The following CDCA5 variants were observed in gnomAD, a reference collection of about 807,000 sequenced individuals.
CDCA5 encodes sororin.
In CDCA5, 14 loss-of-function variants were observed where a neutral mutation model predicts 25.7. That is an observed-to-expected ratio of 0.54 (90% CI 0.36 to 0.85). CDCA5 has a LOEUF of 0.85. CDCA5 is among the 40% of genes least tolerant of loss of function. The pLI is 0.01. For synonymous variants in CDCA5, 127 were observed against 128.7 expected (o/e 0.99, Z 0.09); for missense variants, 307 against 324.5 (o/e 0.95, Z 0.41).
Position 65,083,640 on chromosome 11 carries a change from T to C in CDCA5, c.130A>G (p.Ile44Val), listed in dbSNP as rs1565292681. 1 of 1,614,116 alleles carries C rather than the reference T, an allele frequency of 6.2e-7. No homozygotes were observed. The highest frequency in any genetic ancestry group is 2.2e-5 in the East Asian group (1 of 44,874). Reference protein sequence around the residue: ...GSELPSILPEIWPKTPSAAAV... With the variant: ...GSELPSILPEVWPKTPSAAAV... ...AATCTGGGGCTCACCTTCGGCCAGATTTCAGGGAGGATGCTCGGGAGTTCA... is the reference window on the plus strand; with the variant it reads ...AATCTGGGGCTCACCTTCGGCCAGACTTCAGGGAGGATGCTCGGGAGTTCA... The change falls in exon 2 of 6, where the codon ATC becomes GTC. Residue 44 changes from isoleucine (I) to valine (V), a missense_variant. Physicochemically the swap from Ile to Val is conservative, Grantham distance 29. Transcript: ENST00000275517.
At position 65,077,940 on chromosome 11, in the gene CDCA5, C is replaced by A; in HGVS notation, c.*1167G>T. On this transcript the variant is annotated 3_prime_UTR_variant, in exon 6 of 6. Transcript: ENST00000275517. The stretch of plus-strand genomic sequence containing the variant: ...ATGGCCAGGGGTGCGGCAGGAGAGT[C>A]GGGGGCAGGGCAGCCTTCAAATCCA... The A allele has an allele frequency of 1.0e-6, 1 of 985,450 alleles. No homozygotes were observed. The highest frequency in any genetic ancestry group is 1.2e-6 in the Non-Finnish European group (1 of 830,000). The allele number at this position is 985,450 out of a possible 1,614,324, so 61.0% of individuals were successfully genotyped here.
Position 65,084,035 on chromosome 11 carries a change from G to C in CDCA5, c.-57C>G, listed in dbSNP as rs1276761682. On this transcript the variant is annotated 5_prime_UTR_variant, in exon 1 of 6. Transcript: ENST00000275517. ...CCGCCGCCCCGGGCGCGCGCCAACC[G>C]GGAAGGCCACTCGCTGCAAAAAACG... The C allele has an allele frequency of 6.4e-6, 10 of 1,567,362 alleles. No homozygotes were observed. Among genetic ancestry groups the C allele is most frequent in the Admixed American group, 1.9e-5 (1 of 53,274 alleles).
Position 65,083,551 on chromosome 11 carries a change from C to T in CDCA5, c.142-1G>A. ...TTCTGACTGCAGCCGCACTGGGTGT[C>T]TGGAGAAGAGGGATGAACGTGAGCT... is the stretch of plus-strand genomic sequence containing the variant. On this transcript the variant is annotated splice_acceptor_variant, in intron 2 of 5. Coordinates refer to ENST00000275517, the MANE Select transcript of CDCA5 (RefSeq NM_080668.4). LOFTEE classifies it high-confidence loss of function. The T allele has an allele frequency of 6.2e-6, 10 of 1,614,114 alleles. No homozygotes were observed. The highest frequency in any genetic ancestry group is 8.5e-6 in the Non-Finnish European group (10 of 1,180,008).
Position 65,083,665 on chromosome 11 carries a change from A to C in CDCA5, c.105T>G (p.Ser35=). The C allele has an allele frequency of 6.2e-7, 1 of 1,614,236 alleles. No individual in the cohort carries two copies. Among genetic ancestry groups the C allele is most frequent in the South Asian group, 1.1e-5 (1 of 91,088 alleles). Residue 35 remains serine (S), a synonymous_variant, in exon 2 of 6, where the codon TCT becomes TCG. Transcript: ENST00000275517. The part of the protein sequence containing the change: ...PLRRSQRKSG[S]ELPSILPEIW... ...TTTCAGGGAGGATGCTCGGGAGTTC[A>C]GAGCCTGATTTCCGCTGGGACCTCC...
chr11:65,083,893 A>T (rs1485253411), intron 1 of CDCA5, 40 bp downstream of exon 1: 4 of 1,608,484 alleles, frequency 2.5e-6, no homozygotes, highest in Non-Finnish European at 3.4e-6. Flanking sequence ...GCGTCCCCCA[A>T]ACGGCTCGAC....
At chr11:65,079,293 C>A (rs1446879110) in intron 5 of CDCA5, 60 bp downstream of exon 5, 1 of 1,612,656 alleles carries the variant, frequency 6.2e-7, no homozygotes, top group East Asian at 2.2e-5. Context: ...AGAGCCAGAG[C>A]CCCAGCCCTG....
Position 65,077,719 on chromosome 11 carries a change from AACC to A in CDCA5, c.*1385_*1387del. The A allele has an allele frequency of 1.0e-6, 1 of 985,536 alleles. No homozygotes were observed. Among genetic ancestry groups the A allele is most frequent in the Non-Finnish European group, 1.2e-6 (1 of 830,010 alleles). The allele number at this position is 985,536 out of a possible 1,614,324, so 61.0% of individuals were successfully genotyped here. A position where few individuals can be genotyped will look rare whatever the true frequency, so the allele number is the denominator to read the frequency against. ...AGGGGGCTTGCTTGCAGGTCTGACA[AACC>A]ACAGAGCGTTGAGCAGATGGCCTGG... On this transcript the variant is annotated 3_prime_UTR_variant, in exon 6 of 6. Transcript: ENST00000275517.
Position 65,078,354 on chromosome 11 carries a change from C to T in CDCA5, c.*753G>A. 1.0e-6 allele frequency: 1 copy of T among 985,702 alleles called. No homozygotes were observed. The highest frequency in any genetic ancestry group is 1.2e-6 in the Non-Finnish European group (1 of 830,044). The allele number at this position is 985,702 out of a possible 1,614,324, so 61.1% of individuals were successfully genotyped here. A position where few individuals can be genotyped will look rare whatever the true frequency, so the allele number is the denominator to read the frequency against. On this transcript the variant is annotated 3_prime_UTR_variant, in exon 6 of 6. Coordinates refer to ENST00000275517, the MANE Select transcript of CDCA5 (RefSeq NM_080668.4). ...ACAGAAACTCACAGCACCTGGTGGC[C>T]ACACCCTGAAATGCACCCTTTGCTC...
At chr11:65,072,246 G>A (rs1014652092) in intron 1 of CDCA5, among the ~76,000 whole-genome samples, 1 of 152,250 alleles carries the variant, frequency 6.6e-6, no homozygotes, top group African/African-American at 2.4e-5. Context: ...TGGCTGTCAG[G>A]GAGCCTGCCA....
At chr11:65,062,112 G>C (rs1184317033), downstream of CDCA5, among the ~76,000 whole-genome samples, 1 of 151,868 alleles carries the variant, frequency 6.6e-6, no homozygotes, top group Non-Finnish European at 1.5e-5. Flanking sequence ...TAAAGATAGG[G>C]TTTCTCCATG....
At chr11:65,072,732 C>A (rs1308393773), downstream of CDCA5, among the ~76,000 whole-genome samples, 2 of 152,126 alleles carry the variant, frequency 1.3e-5, no homozygotes, top group African/African-American at 4.8e-5. Context: ...GAGACAAATA[C>A]AACCTTGCCT....
Position 65,079,568 on chromosome 11 carries a change from C to T in CDCA5, c.463G>A (p.Ala155Thr), listed in dbSNP as rs756065002. The T allele has an allele frequency of 1.2e-6, 2 of 1,614,076 alleles. No individual in the cohort carries two copies. Among genetic ancestry groups the T allele is most frequent in the Non-Finnish European group, 1.7e-6 (2 of 1,179,978 alleles). Residue 155 changes from alanine to threonine, a missense_variant, in exon 5 of 6, where the codon GCC becomes ACC. Transcript: ENST00000275517. ...CGGCGGCCTGGGGTGGAGGTAGAGG[C>T]AGAGCCCAGGGTCTCCAGCCGGCTG... ...SYSRLETLGS[A>T]STSTPGRRSC...
rs574417364 is a variant in CDCA5, at chr11:65,072,210, T to C, written c.64-3609A>G. Among the ~76,000 whole-genome samples the C allele has an allele frequency of 2.0e-4, 30 of 152,256 alleles. No homozygotes were observed. The South Asian group carries it at 5.8e-3, about 29-fold the overall frequency. The stretch of plus-strand genomic sequence containing the variant: ...ACCATGGCTCAAGAAGAGTCTCAGA[T>C]GTGGGTGGACTGATACCCAAGCAGG... On this transcript the variant is annotated intron_variant, in intron 1 of 6. Transcript: ENST00000525464.
chr11:65,074,967 C>A (rs1947412918), downstream of CDCA5, among the ~76,000 whole-genome samples: 2 of 146,256 alleles, frequency 1.4e-5, no homozygotes, highest in African/African-American at 5.1e-5. Flanking sequence ...GAGGCTGAGG[C>A]AGGAGAATCG....
downstream of CDCA5, among the ~76,000 whole-genome samples, chr11:65,073,094 G>A (rs1411281508): frequency 4.6e-5 from 7 of 151,448 alleles, no homozygotes; most frequent in African/African-American, 9.7e-5. Context: ...ACAGGTGCCC[G>A]CCACCATGCC....
downstream of CDCA5, among the ~76,000 whole-genome samples, chr11:65,075,600 G>A (rs1249505308): frequency 1.3e-5 from 2 of 151,468 alleles, no homozygotes; most frequent in African/African-American, 2.4e-5. Flanking sequence ...GGTGAAGGAA[G>A]AAGGAGCTGG....
chr11:65,076,413 C>T (rs538574439), downstream of CDCA5, among the ~76,000 whole-genome samples: 1 of 152,138 alleles, frequency 6.6e-6, no homozygotes, highest in Admixed American at 6.5e-5. Flanking sequence ...CTGTGCCCAG[C>T]CTGGTTGTCA....
downstream of CDCA5, among the ~76,000 whole-genome samples, chr11:65,074,744 A>C (rs1947407454): frequency 6.8e-6 from 1 of 146,260 alleles, no homozygotes; most frequent in African/African-American, 2.7e-5. Flanking sequence ...GTCTCAAAAA[A>C]AAAAAAAAAA....
At chr11:65,072,935 ATTCTTTTTTT>A (rs1947367605), downstream of CDCA5, among the ~76,000 whole-genome samples, 1 of 127,156 alleles carries the variant, frequency 7.9e-6, no homozygotes, top group African/African-American at 3.0e-5. Context: ...GTATTATTTC[ATTCTTTTTTT>A]TTTTTTTTTT....
Sources: gnomAD v4.1 joint callset for allele counts (sites outside exome capture counted in the v4.1 genomes callset) on GRCh38, gnomAD v4.1.1 for gene constraint, MANE v1.5 for transcripts, NCBI Gene and HGNC (gene_info 2026-07-23, HGNC 2026-07-21) for gene names.